MARCO: variants seen among roughly 807,000 people sequenced by gnomAD.
MARCO encodes macrophage receptor MARCO.
In MARCO, 72 loss-of-function variants were observed where a neutral mutation model predicts 70.0. The ratio of observed to expected loss-of-function variants is 1.03; its 90% CI spans 0.85 to 1.25. The LOEUF is 1.25. Among genes scored for constraint, MARCO ranks in the 50% most tolerant of loss-of-function variants. MARCO has a pLI of 0.00. For synonymous variants in MARCO, 273 were observed against 243.1 expected (o/e 1.12, Z -1.14); for missense variants, 696 against 659.3 (o/e 1.06, Z -0.61).
At chr2:118,945,934 A>G (rs981010059) in intron 1 of MARCO, among the ~76,000 whole-genome samples, 1 of 152,198 alleles carries the variant, frequency 6.6e-6, no homozygotes, top group African/African-American at 2.4e-5. Flanking sequence ...AACCTTCAAC[A>G]AAACCCAAAC....
chr2:118,952,673 C>G (rs1053643671), intron 1 of MARCO: 7 of 152,216 alleles, frequency 4.6e-5, no homozygotes, highest in Admixed American at 6.5e-5. Flanking sequence ...AGGTTGCTGG[C>G]CAGTTTCTTT....
rs1679516524 is a variant in MARCO at position 118,942,206 on chromosome 2, A to G, written c.-95A>G. On this transcript the variant is annotated 5_prime_UTR_variant, in exon 1 of 17. Transcript: ENST00000327097. ...TGCTGCGAGGTTTACAACCAGCTGC[A>G]GTGGTTCGATGGGAAGGATCTTTCT... 7.9e-6 allele frequency: 6 copies of G among 760,484 alleles called. No individual in the cohort carries two copies. In the Admixed American group the frequency reaches 1.3e-4, roughly 16 times the overall value. 47.1% of individuals were successfully genotyped at this position (760,484 alleles called of 1,614,324 possible).
At chr2:118,992,360 C>T (rs1465280928) in intron 14 of MARCO, 72 bp from the exon 15 acceptor site, 1 of 1,290,528 alleles carries the variant, frequency 7.7e-7, no homozygotes, top group African/African-American at 1.5e-5. Flanking sequence ...CCGCTCCCCA[C>T]TCATGCAAAT....
chr2:118,977,702 C>T (rs1380690917), intron 7 of MARCO, 126 bp from the exon 8 acceptor site: 19 of 841,840 alleles, frequency 2.3e-5, no homozygotes, highest in African/African-American at 3.4e-5. Flanking sequence ...TGAGCTAGCA[C>T]ATCCCCCAGA....
intron 1 of MARCO, among the ~76,000 whole-genome samples, chr2:118,959,313 G>A (rs1249186896): frequency 6.6e-6 from 1 of 151,866 alleles, no homozygotes; most frequent in Non-Finnish European, 1.5e-5. Flanking sequence ...CCATCAAAAA[G>A]TGGGCTAAGG....
At chr2:118,982,121 C>T (rs760907250) in intron 10 of MARCO, 35 bp from the exon 11 acceptor site, 1 of 1,526,558 alleles carries the variant, frequency 6.6e-7, no homozygotes, top group East Asian at 2.3e-5. Flanking sequence ...CCTCTGCCAA[C>T]CACCACAGCC....
rs55829260 is a variant in MARCO at position 118,967,902 on chromosome 2, C to T, written c.98-1258C>T. The stretch of plus-strand genomic sequence containing the variant: ...CCCTTTCAGATGTGCCCTTGGGGCC[C>T]ATTTCAACTGGATCTTTCCTAGGGG... On this transcript the variant is annotated intron_variant, in intron 1 of 16. Coordinates refer to ENST00000327097, the MANE Select transcript of MARCO (RefSeq NM_006770.4). Among the ~76,000 whole-genome samples the T allele has an allele frequency of 5.7e-3, 863 of 152,282 alleles. 2 individuals are homozygous for T. The highest frequency in any genetic ancestry group is 6.7e-3 in the Non-Finnish European group (456 of 68,024).
At chr2:118,958,395 T>TAAAAAA in intron 1 of MARCO, among the ~76,000 whole-genome samples, 1 of 142,972 alleles carries the variant, frequency 7.0e-6, no homozygotes, top group Non-Finnish European at 1.5e-5. Context: ...TCAATCACTT[T>TAAAAAA]TGCAATAGCT....
intron 1 of MARCO, among the ~76,000 whole-genome samples, chr2:118,956,201 G>A (rs1375873737): frequency 3.3e-5 from 5 of 152,238 alleles, no homozygotes; most frequent in African/African-American, 9.6e-5. Flanking sequence ...CAGAACTGCA[G>A]AATGGATAAG....
intron 12 of MARCO, among the ~76,000 whole-genome samples, chr2:118,985,847 G>C (rs538085274): frequency 1.7e-4 from 26 of 152,158 alleles, no homozygotes; most frequent in African/African-American, 4.8e-4. Flanking sequence ...TTATCTCAAT[G>C]GCCTTTATGT....
At chr2:118,944,607 T>C (rs758817921) in intron 1 of MARCO, among the ~76,000 whole-genome samples, 3 of 152,186 alleles carry the variant, frequency 2.0e-5, no homozygotes, top group Non-Finnish European at 4.4e-5. Flanking sequence ...CTATTGTTGG[T>C]ATTGAAATAT....
In MARCO at chr2:118,982,194, G is replaced by T; in HGVS notation, c.940G>T (p.Ala314Ser). ...GCAGGGTGTTCCGGGCCCTCCTGGTGCAGTGGGACACCCAGGTGCCAAGGG... is the reference window on the plus strand; with the variant it reads ...GCAGGGTGTTCCGGGCCCTCCTGGTTCAGTGGGACACCCAGGTGCCAAGGG... ...GLQGVPGPPG[A>S]VGHPGAKGEP... Residue 314 changes from alanine to serine, a missense_variant, in exon 11 of 17, where the codon GCA becomes TCA. Ala to Ser is a moderately conservative substitution (Grantham distance 99). This residue lies in a region of MARCO where 605 missense variants were observed against 537.6 expected (regional missense o/e 1.13). Transcript: ENST00000327097. 3 of 1,613,346 alleles carry T rather than the reference G, an allele frequency of 1.9e-6. No homozygotes were observed. Among genetic ancestry groups the T allele is most frequent in the South Asian group, 1.1e-5 (1 of 91,038 alleles).
chr2:118,948,915 TG>T (rs1184171041), intron 1 of MARCO, among the ~76,000 whole-genome samples: 2 of 152,322 alleles, frequency 1.3e-5, no homozygotes, highest in East Asian at 3.9e-4. Context: ...TGTCCAGTAA[TG>T]GTCCTCCATA....
chr2:118,976,086 A>C (rs1680277838), intron 6 of MARCO, among the ~76,000 whole-genome samples: 1 of 152,150 alleles, frequency 6.6e-6, no homozygotes, highest in Non-Finnish European at 1.5e-5. Context: ...AAAAGCCAGA[A>C]GCCTGAGGAG....
At chr2:118,945,980 C>A (rs1679590498) in intron 1 of MARCO, among the ~76,000 whole-genome samples, 2 of 152,206 alleles carry the variant, frequency 1.3e-5, no homozygotes, top group Non-Finnish European at 2.9e-5. Flanking sequence ...TGCAACACGA[C>A]TGCTATTATT....
In MARCO at chr2:118,992,348, A is replaced by T. The variant is rs372159452; in HGVS notation, c.1208-84A>T. The T allele has an allele frequency of 1.2e-5, 14 of 1,143,844 alleles. No homozygotes were observed. In the East Asian group the frequency reaches 3.3e-4, roughly 27 times the overall value. The allele number at this position is 1,143,844 out of a possible 1,614,324, so 70.9% of individuals were successfully genotyped here. A position where few individuals can be genotyped will look rare whatever the true frequency, so the allele number is the denominator to read the frequency against. On this transcript the variant is annotated intron_variant, in intron 14 of 16. Coordinates refer to ENST00000327097, the MANE Select transcript of MARCO (RefSeq NM_006770.4). Reference sequence around the variant, plus strand: ...AGCATCTGACCACTCCCAACCCTCCACCCGCTCCCCACTCATGCAAATGCA... The same window carrying T: ...AGCATCTGACCACTCCCAACCCTCCTCCCGCTCCCCACTCATGCAAATGCA...
chr2:118,956,332 A>C (rs1330121813), intron 1 of MARCO, among the ~76,000 whole-genome samples: 1 of 152,218 alleles, frequency 6.6e-6, no homozygotes, highest in Non-Finnish European at 1.5e-5. Context: ...AAAAGTGAGC[A>C]GGGGTAGATA....
intron 14 of MARCO, among the ~76,000 whole-genome samples, 172 bp downstream of exon 14, chr2:118,992,047 A>G (rs1680632436): frequency 6.6e-6 from 1 of 152,198 alleles, no homozygotes; most frequent in Non-Finnish European, 1.5e-5. Context: ...TGCCCTAGGC[A>G]TGGAGCACAC....
chr2:118,972,004 G>T (rs370941075), intron 4 of MARCO, among the ~76,000 whole-genome samples: 15 of 152,206 alleles, frequency 9.9e-5, no homozygotes, highest in East Asian at 9.6e-4. Flanking sequence ...CGGTCAGGCC[G>T]ATCTGAGTTC....
Sources: gnomAD v4.1 joint callset for allele counts (sites outside exome capture counted in the v4.1 genomes callset) on GRCh38, gnomAD v4.1.1 for gene constraint, gnomAD v4.1.1 regional missense constraint, MANE v1.5 for transcripts, NCBI Gene and HGNC (gene_info 2026-07-23, HGNC 2026-07-21) for gene names.